Variants in DLGAP1 observed in about 807,000 individuals in gnomAD.
DLGAP1 encodes DLG associated protein 1.
Under a neutral mutation model 90.8 loss-of-function variants are expected in DLGAP1, and 11 were observed. That is an observed-to-expected ratio of 0.12 (90% CI 0.08 to 0.20). The LOEUF (loss-of-function observed/expected upper bound fraction) is 0.20, where lower values mean the gene tolerates loss of function less well. Ranked by LOEUF, DLGAP1 falls within the 10% of genes least tolerant of loss-of-function variation. The probability of loss-of-function intolerance (pLI) is 1.00; values close to 1 mark genes in which losing one functional copy is unlikely to be tolerated. For synonymous variants in DLGAP1, 558 were observed against 540.7 expected (o/e 1.03, Z -0.44); for missense variants, 1,050 against 1,333.8 (o/e 0.79, Z 3.31).
intron 3 of DLGAP1, among the ~76,000 whole-genome samples, chr18:3,939,460 AAAC>A (rs2072720648): frequency 2.0e-5 from 3 of 150,720 alleles, no homozygotes; most frequent in Admixed American, 6.6e-5. Flanking sequence ...AACACCAAAA[AAAC>A]AAACAAACAA....
Position 3,566,444 on chromosome 18 carries a change from A to G in DLGAP1, c.2057+1046T>C, listed in dbSNP as rs559922751. On this transcript the variant is annotated intron_variant, in intron 9 of 12. Coordinates refer to ENST00000315677, the MANE Select transcript of DLGAP1 (RefSeq NM_004746.4). The stretch of plus-strand genomic sequence containing the variant: ...GAATTTATTAATAAATATATTAACT[A>G]TATGTATATGATATATATACACACC... Among the ~76,000 whole-genome samples the G allele has an allele frequency of 2.0e-5, 3 of 151,890 alleles. No homozygotes were observed. The South Asian group carries it at 6.2e-4, about 31-fold the overall frequency.
intron 10 of DLGAP1, among the ~76,000 whole-genome samples, chr18:3,528,702 GGAGA>G (rs2051803512): frequency 1.3e-5 from 2 of 152,314 alleles, no homozygotes; most frequent in African/African-American, 4.8e-5. Flanking sequence ...CCTTCTTCCT[GGAGA>G]GGGTTGCTAC....
intron 1 of DLGAP1, among the ~76,000 whole-genome samples, chr18:4,381,427 C>T (rs1364107102): frequency 6.6e-6 from 1 of 152,160 alleles, no homozygotes; most frequent in Admixed American, 6.6e-5. Context: ...GATGAATCTT[C>T]TACTTACTCC....
intron 2 of DLGAP1, among the ~76,000 whole-genome samples, chr18:4,051,574 T>C (rs942069231): frequency 2.0e-5 from 3 of 152,232 alleles, no homozygotes; most frequent in South Asian, 2.1e-4. Context: ...GTGGGGATTA[T>C]GGAAACTACA....
At chr18:3,561,365 G>A (rs2054097250) in intron 9 of DLGAP1, among the ~76,000 whole-genome samples, 2 of 146,776 alleles carry the variant, frequency 1.4e-5, no homozygotes, top group Admixed American at 1.3e-4. Flanking sequence ...GAACCTGGGA[G>A]GTGGAGGTTG....
chr18:4,228,178 AC>A (rs2078231392), intron 1 of DLGAP1, among the ~76,000 whole-genome samples: 1 of 151,906 alleles, frequency 6.6e-6, no homozygotes, highest in Non-Finnish European at 1.5e-5. Context: ...ACCTGAATGG[AC>A]AAATAAGAAG....
At chr18:4,358,165 C>T (rs905225209) in intron 1 of DLGAP1, among the ~76,000 whole-genome samples, 2 of 151,880 alleles carry the variant, frequency 1.3e-5, no homozygotes, top group Non-Finnish European at 2.9e-5. Flanking sequence ...TCCATGAAGT[C>T]GATATTTGAG....
chr18:4,374,322 G>A (rs1354284410), intron 1 of DLGAP1, among the ~76,000 whole-genome samples: 1 of 151,996 alleles, frequency 6.6e-6, no homozygotes, highest in Non-Finnish European at 1.5e-5. Context: ...ATGGCATGGA[G>A]GTGAAAAAGA....
intron 1 of DLGAP1, among the ~76,000 whole-genome samples, chr18:4,444,305 C>T (rs1020038446): frequency 2.0e-5 from 3 of 152,112 alleles, no homozygotes; most frequent in African/African-American, 7.2e-5. Context: ...TTGAATGTTG[C>T]TATAGATGCA....
At chr18:3,736,138 G>T (rs568063980) in intron 6 of DLGAP1, among the ~76,000 whole-genome samples, 1 of 152,118 alleles carries the variant, frequency 6.6e-6, no homozygotes, top group African/African-American at 2.4e-5. Context: ...CGGGCTTCTA[G>T]TTTGCCATTC....
Position 4,387,224 on chromosome 18 carries a change from C to T in DLGAP1, c.-267+67782G>A, listed in dbSNP as rs142089492. On this transcript the variant is annotated intron_variant, in intron 1 of 12. Coordinates refer to ENST00000315677, the MANE Select transcript of DLGAP1 (RefSeq NM_004746.4). ...CAGTCAAGAGGCATTTATTAAGCCT[C>T]TATAACAAACACACCTGCACAGCAT... Among the ~76,000 whole-genome samples the T allele has an allele frequency of 6.2e-3, 944 of 152,160 alleles. 14 individuals are homozygous for T. The highest frequency in any genetic ancestry group is 0.019 in the African/African-American group (793 of 41,524).
chr18:4,306,497 G>C (rs915440774), intron 1 of DLGAP1, among the ~76,000 whole-genome samples: 1 of 151,114 alleles, frequency 6.6e-6, no homozygotes, highest in Admixed American at 6.6e-5. Flanking sequence ...AGAAAATAAA[G>C]AAGAAAGGAG....
At position 3,879,819 on chromosome 18, in the gene DLGAP1, C is replaced by G; in HGVS notation, c.250G>C (p.Glu84Gln). The G allele has an allele frequency of 6.2e-7, 1 of 1,608,194 alleles. No homozygotes were observed. Among genetic ancestry groups the G allele is most frequent in the Non-Finnish European group, 8.5e-7 (1 of 1,179,846 alleles). ...HYTSQQELKD[E>Q]CALVPRTLAT... is the part of the protein sequence containing the mutation. ...AGGGTGCGGGGCACCAGGGCACACT[C>G]GTCCTTCAGCTCTTGCTGCGAGGTG... The change falls in exon 4 of 13, where the codon GAG becomes CAG. Residue 84 changes from glutamate (E) to glutamine (Q), a missense_variant. Around this residue, in one of 2 missense-constraint regions of DLGAP1, gnomAD observed 485 missense variants for 454.1 expected, o/e 1.07. Coordinates refer to ENST00000315677, the MANE Select transcript of DLGAP1 (RefSeq NM_004746.4). The surrounding 1 kb of genome is among the most constrained non-coding windows in gnomAD (Gnocchi z 6.6).
chr18:3,987,959 G>T (rs1392624848), intron 3 of DLGAP1, among the ~76,000 whole-genome samples: 1 of 152,142 alleles, frequency 6.6e-6, no homozygotes, highest in South Asian at 2.1e-4. Context: ...CAGGGCGGGG[G>T]ATGGTTTCGG....
At chr18:3,525,381 C>G (rs1017372347) in intron 10 of DLGAP1, among the ~76,000 whole-genome samples, 13 of 152,064 alleles carry the variant, frequency 8.5e-5, no homozygotes, top group African/African-American at 2.4e-4. Context: ...ATTTGAAGTC[C>G]ATTGCATTTA....
chr18:4,407,871 AATAAATAAATAAATAAATAT>A (rs869082894), intron 1 of DLGAP1, among the ~76,000 whole-genome samples: 11 of 38,746 alleles, frequency 2.8e-4, no homozygotes, highest in East Asian at 1.2e-3. Flanking sequence ...TAAATAAATA[AATAAATAAATAAATAAATAT>A]ATAAATAAAT....
intron 9 of DLGAP1, among the ~76,000 whole-genome samples, chr18:3,544,352 C>A (rs1367283282): frequency 1.3e-5 from 2 of 152,152 alleles, no homozygotes; most frequent in African/African-American, 2.4e-5. Context: ...TGTGCCACTG[C>A]ACTCCAGCAT....
intron 7 of DLGAP1, among the ~76,000 whole-genome samples, chr18:3,635,245 C>T (rs1182351416): frequency 3.3e-5 from 5 of 152,072 alleles, no homozygotes; most frequent in African/African-American, 1.2e-4. Flanking sequence ...ATTCTCCTGC[C>T]TCAGCCTCCC....
chr18:3,659,652 G>A (rs1191894087), intron 7 of DLGAP1, among the ~76,000 whole-genome samples: 2 of 150,176 alleles, frequency 1.3e-5, no homozygotes, highest in East Asian at 2.0e-4. Context: ...TGCAACCTCC[G>A]CCTCCCAGCT....
Sources: gnomAD v4.1 joint callset for allele counts (sites outside exome capture counted in the v4.1 genomes callset) on GRCh38, gnomAD v4.1.1 for gene constraint, gnomAD v4.1.1 regional missense constraint, Gnocchi (gnomAD v3.1) non-coding constraint, MANE v1.5 for transcripts, NCBI Gene and HGNC (gene_info 2026-07-23, HGNC 2026-07-21) for gene names.